Variants in CLRN1 observed in about 807,000 individuals in gnomAD.
The protein encoded by CLRN1 is clarin-1.
In CLRN1, 15 loss-of-function variants were observed where a neutral mutation model predicts 18.7. The observed-to-expected ratio is 0.80, with a 90% CI of 0.54 to 1.23. The LOEUF (loss-of-function observed/expected upper bound fraction) is 1.23, where lower values mean the gene tolerates loss of function less well. Among genes scored for constraint, CLRN1 ranks in the 50% most tolerant of loss-of-function variants. The pLI, the probability that CLRN1 is intolerant of heterozygous loss-of-function variation, is 0.00. For missense variants in CLRN1, 311 were observed against 277.5 expected, an observed-to-expected ratio of 1.12 and a Z score of -0.86; for synonymous variants, 104 against 102.9, an observed-to-expected ratio of 1.01 and a Z score of -0.07.
At position 150,941,620 on chromosome 3, in the gene CLRN1, T is replaced by C. The variant is rs372059659; in HGVS notation, c.395A>G (p.His132Arg). The C allele has an allele frequency of 6.2e-6, 10 of 1,613,974 alleles. No individual in the cohort carries two copies. The highest frequency in any genetic ancestry group is 8.5e-6 in the Non-Finnish European group (10 of 1,179,958). The change falls in exon 2 of 3, where the codon CAT (histidine) becomes CGT (arginine). Residue 132 changes from histidine to arginine, a missense_variant. His to Arg is a conservative substitution (Grantham distance 29, BLOSUM62 0). Coordinates refer to ENST00000327047, the MANE Select transcript of CLRN1 (RefSeq NM_174878.3). ...NAFGKPFETLHGPLGLYLLSF... is the reference protein window; with the variant it reads ...NAFGKPFETLRGPLGLYLLSF... ...CAAAAGGTACAGCCCTAGGGGACCA[T>C]GCAGAGTTTCAAAAGGTTTTCCAAA... is the stretch of plus-strand genomic sequence containing the variant.
intron 1 of CLRN1, chr3:150,943,822 G>C: frequency 1.2e-6 from 2 of 1,614,168 alleles, no homozygotes; most frequent in Non-Finnish European, 1.7e-6. Context: ...ACCCCTACCT[G>C]GTTGCTGCTG....
chr3:150,967,975 C>T (rs530176138), intron 1 of CLRN1, among the ~76,000 whole-genome samples: 42 of 152,158 alleles, frequency 2.8e-4, no homozygotes, highest in Non-Finnish European at 5.0e-4. Context: ...GAACTAATTT[C>T]TGTTCAGCTT....
chr3:150,953,917 G>A (rs187429843), intron 1 of CLRN1, among the ~76,000 whole-genome samples: 434 of 152,262 alleles, frequency 2.9e-3, no homozygotes, highest in African/African-American at 9.3e-3. Context: ...AAAAGACCAA[G>A]GCACAGAGAA....
At chr3:150,971,102 C>T (rs368680839) in intron 1 of CLRN1, among the ~76,000 whole-genome samples, 4 of 152,186 alleles carry the variant, frequency 2.6e-5, no homozygotes, top group African/African-American at 9.7e-5. Flanking sequence ...CACGCTTTGG[C>T]TGCCGGTGAC....
At chr3:150,943,552 T>C (rs984036198) in intron 1 of CLRN1, among the ~76,000 whole-genome samples, 2 of 152,310 alleles carry the variant, frequency 1.3e-5, no homozygotes, top group African/African-American at 4.8e-5. Context: ...GCCACTTTCA[T>C]TGCTAATTCT....
intron 1 of CLRN1, among the ~76,000 whole-genome samples, chr3:150,949,983 G>C (rs1409299555): frequency 2.0e-5 from 3 of 152,006 alleles, no homozygotes; most frequent in Non-Finnish European, 4.4e-5. Flanking sequence ...AAATGAACAG[G>C]ATAGAGAGCC....
intron 1 of CLRN1, among the ~76,000 whole-genome samples, chr3:150,964,298 GA>G (rs1301978802): frequency 6.6e-6 from 1 of 151,932 alleles, no homozygotes; most frequent in Non-Finnish European, 1.5e-5. Flanking sequence ...CAACAAACAT[GA>G]AAAAAAGCTC....
intron 2 of CLRN1, among the ~76,000 whole-genome samples, chr3:150,939,945 C>G (rs987406815): frequency 6.6e-6 from 1 of 152,210 alleles, no homozygotes; most frequent in Non-Finnish European, 1.5e-5. Flanking sequence ...TATTCCATCC[C>G]TCTCCTCACT....
chr3:150,932,919 C>T (rs1263388638), intron 2 of CLRN1, among the ~76,000 whole-genome samples: 8 of 152,136 alleles, frequency 5.3e-5, no homozygotes, highest in African/African-American at 1.9e-4. Flanking sequence ...GGAATAACAC[C>T]ATTGGGTCTA....
intron 1 of CLRN1, among the ~76,000 whole-genome samples, chr3:150,955,398 G>A: frequency 6.6e-6 from 1 of 152,214 alleles, no homozygotes; most frequent in East Asian, 1.9e-4. Context: ...CGTAAATTAT[G>A]CCTCAATAAA....
chr3:150,950,831 A>G (rs1184490540), intron 1 of CLRN1, among the ~76,000 whole-genome samples: 1 of 152,196 alleles, frequency 6.6e-6, no homozygotes, highest in Non-Finnish European at 1.5e-5. Context: ...TACTATAAAG[A>G]CACAAGCACA....
chr3:150,929,232 A>AG (rs1282087546), intron 2 of CLRN1, among the ~76,000 whole-genome samples: 32 of 152,174 alleles, frequency 2.1e-4, no homozygotes, highest in Non-Finnish European at 3.8e-4. Flanking sequence ...GCTGTGGGAC[A>AG]GGGGCACTCC....
chr3:150,929,732 A>G (rs1301648974), intron 2 of CLRN1, among the ~76,000 whole-genome samples: 1 of 152,226 alleles, frequency 6.6e-6, no homozygotes, highest in Non-Finnish European at 1.5e-5. Context: ...TTTGGTTTCA[A>G]ATCCTGATTC....
At chr3:150,940,747 T>C (rs1197718733) in intron 2 of CLRN1, among the ~76,000 whole-genome samples, 1 of 152,204 alleles carries the variant, frequency 6.6e-6, no homozygotes. Flanking sequence ...TTTTCTCGTC[T>C]TTCTCCTTCT....
At position 150,941,725 on chromosome 3, in the gene CLRN1, A is replaced by T. The variant is rs759441941; in HGVS notation, c.290T>A (p.Ile97Asn). The change falls in exon 2 of 3, where the codon ATC (isoleucine) becomes AAC (asparagine). Residue 97 changes from isoleucine (I) to asparagine (N), a missense_variant. Transcript: ENST00000327047. ...AGAGAAGAGAATGACATTGACGTGGATGCTCACTGGGATTGCTTTGAGCAA... is the reference window on the plus strand; with the variant it reads ...AGAGAAGAGAATGACATTGACGTGGTTGCTCACTGGGATTGCTTTGAGCAA... ...PDLLKAIPVS[I>N]HVNVILFSAI... 1.5e-5 allele frequency: 25 copies of T among 1,613,982 alleles called. No homozygotes were observed. Among genetic ancestry groups the T allele is most frequent in the Non-Finnish European group, 1.9e-5 (23 of 1,179,960 alleles).
chr3:150,930,640 G>A (rs1713087229), intron 2 of CLRN1, among the ~76,000 whole-genome samples: 1 of 152,050 alleles, frequency 6.6e-6, no homozygotes, highest in South Asian at 2.1e-4. Flanking sequence ...CTGCAGTGCT[G>A]TTTTCTCTTT....
upstream of CLRN1, chr3:150,972,765 G>A (rs1367311834): frequency 6.2e-7 from 1 of 1,612,412 alleles, no homozygotes; most frequent in Non-Finnish European, 8.5e-7. Flanking sequence ...TGTGAGCAAT[G>A]GGAAGGGACT....
At chr3:150,935,338 C>T (rs1713410662) in intron 2 of CLRN1, among the ~76,000 whole-genome samples, 1 of 138,934 alleles carries the variant, frequency 7.2e-6, no homozygotes, top group South Asian at 2.4e-4. Context: ...TGTTCCCCTT[C>T]CCGTGTCCAT....
At position 150,946,935 on chromosome 3, in the gene CLRN1, C is replaced by T. The variant is rs1165584016; in HGVS notation, c.254-5174G>A. ...ACAACAGTCCCCACAGTGTGAGGTT[C>T]GCCTTCCTCTGTCCATGTGATCTCA... On this transcript the variant is annotated intron_variant, in intron 1 of 2. Coordinates refer to ENST00000327047, the MANE Select transcript of CLRN1 (RefSeq NM_174878.3). Among the ~76,000 whole-genome samples, 68 of 135,890 alleles carry T rather than the reference C, an allele frequency of 5.0e-4. 1 individual carries two copies. The allele number at this position is 135,890 out of a possible 152,430, so 89.1% of individuals were successfully genotyped here.
Sources: allele counts gnomAD v4.1 joint callset (sites outside exome capture counted in the v4.1 genomes callset), GRCh38; gene constraint gnomAD v4.1.1; transcripts MANE v1.5; gene names NCBI Gene and HGNC (gene_info 2026-07-23, HGNC 2026-07-21).